The following AGBL4 variants were observed in gnomAD, a reference collection of about 807,000 sequenced individuals.
AGBL4 encodes the protein AGBL carboxypeptidase 4.
A neutral mutation model predicts 66.4 loss-of-function variants in AGBL4; 58 were observed. That is an observed-to-expected ratio of 0.87 (90% CI 0.71 to 1.09). The LOEUF (loss-of-function observed/expected upper bound fraction) is 1.09, where lower values mean the gene tolerates loss of function less well. AGBL4 is among the 50% of genes least tolerant of loss of function. The pLI, the probability that AGBL4 is intolerant of heterozygous loss-of-function variation, is 0.00. For missense variants in AGBL4, 579 were observed against 631.0 expected (o/e 0.92, Z 0.88); for synonymous variants, 234 against 222.9 (o/e 1.05, Z -0.44).
In AGBL4 at chr1:49,948,199, A is replaced by ACTAT. The variant is rs1557608838; in HGVS notation, c.34+75563_34+75564insATAG. Among the ~76,000 whole-genome samples, 394 of 96,512 alleles carry ACTAT rather than the reference A, an allele frequency of 4.1e-3. 4 individuals are homozygous for ACTAT. The highest frequency in any genetic ancestry group is 0.012 in the Middle Eastern group (1 of 84). 63.3% of individuals were successfully genotyped at this position (96,512 alleles called of 152,430 possible). A position where few individuals can be genotyped will look rare whatever the true frequency, so the allele number is the denominator to read the frequency against. On this transcript the variant is annotated intron_variant, in intron 1 of 13. Transcript: ENST00000371839. ...ATATAACTATATATAAATATATATA[A>ACTAT]ATATAAATATATAAATATATATAAA...
chr1:49,677,761 T>TAA (rs1427790402), intron 3 of AGBL4, among the ~76,000 whole-genome samples: 2 of 152,058 alleles, frequency 1.3e-5, no homozygotes, highest in Non-Finnish European at 2.9e-5. Flanking sequence ...GATGAGGTCA[T>TAA]AAAGGTGGGG....
chr1:49,525,057 A>T (rs1650551808), intron 3 of AGBL4, among the ~76,000 whole-genome samples: 1 of 152,170 alleles, frequency 6.6e-6, no homozygotes, highest in South Asian at 2.1e-4. Flanking sequence ...AATAATATGT[A>T]CCTTGCAAGG....
At chr1:49,858,683 T>C (rs1434368552) in intron 1 of AGBL4, among the ~76,000 whole-genome samples, 3 of 152,074 alleles carry the variant, frequency 2.0e-5, no homozygotes, top group Admixed American at 1.3e-4. Flanking sequence ...CCAAGACCAA[T>C]AATCCTAAAA....
At chr1:48,943,741 C>T (rs6665446) in intron 5 of AGBL4, among the ~76,000 whole-genome samples, 10,041 of 151,860 alleles carry the variant, frequency 0.066, 1,166 homozygotes, top group African/African-American at 0.23. Flanking sequence ...AATGGGCTAA[C>T]GGAGTCTGGG....
intron 6 of AGBL4, among the ~76,000 whole-genome samples, chr1:48,804,264 AG>A (rs1189297138): frequency 6.6e-6 from 1 of 152,202 alleles, no homozygotes; most frequent in Non-Finnish European, 1.5e-5. Flanking sequence ...CAATAGCCAA[AG>A]CATTATTTCT....
In AGBL4 at chr1:49,743,186, T is replaced by G. The variant is rs369544418; in HGVS notation, c.158-45749A>C. ...AGGGCTAACATCCGGAATCTACAATTAACTCAAACACATTTACAAGAAAAA... is the reference window on the plus strand; with the variant it reads ...AGGGCTAACATCCGGAATCTACAATGAACTCAAACACATTTACAAGAAAAA... On this transcript the variant is annotated intron_variant, in intron 2 of 13. Transcript: ENST00000371839. Among the ~76,000 whole-genome samples the G allele has an allele frequency of 3.5e-4, 53 of 151,942 alleles. 1 individual carries two copies. The South Asian group carries it at 9.8e-3, about 28-fold the overall frequency.
intron 5 of AGBL4, among the ~76,000 whole-genome samples, chr1:48,906,111 A>G (rs1652562446): frequency 6.6e-6 from 1 of 152,220 alleles, no homozygotes. Context: ...GTATTAACTT[A>G]AAATTTTAGA....
At chr1:49,532,044 A>G (rs965014453) in intron 3 of AGBL4, among the ~76,000 whole-genome samples, 4 of 152,082 alleles carry the variant, frequency 2.6e-5, no homozygotes, top group Non-Finnish European at 5.9e-5. Context: ...AGAATGGAAT[A>G]TGGTCTTTTG....
intron 3 of AGBL4, among the ~76,000 whole-genome samples, chr1:49,430,893 T>A (rs1047258124): frequency 3.9e-5 from 6 of 152,218 alleles, no homozygotes; most frequent in Non-Finnish European, 7.4e-5. Flanking sequence ...ATACAGTTGA[T>A]ACTCTTTTAT....
chr1:48,750,965 T>C lies in AGBL4; in HGVS notation c.635-87724A>G, dbSNP rs1651641685. Reference sequence around the variant, plus strand: ...TGGCCAGCCTCTGGGACCTGCTGAATCCTGGCATCCAAACAAACATCCATC... The same window carrying C: ...TGGCCAGCCTCTGGGACCTGCTGAACCCTGGCATCCAAACAAACATCCATC... On this transcript the variant is annotated intron_variant, in intron 6 of 13. Coordinates refer to ENST00000371839, the MANE Select transcript of AGBL4 (RefSeq NM_032785.4). 2.6e-5 allele frequency among the ~76,000 whole-genome samples: 4 copies of C among 152,312 alleles called. 1 individual carries two copies. In the South Asian group the frequency reaches 8.3e-4, roughly 32 times the overall value.
At chr1:49,018,434 C>A (rs114450523) in intron 5 of AGBL4, among the ~76,000 whole-genome samples, 1,852 of 152,286 alleles carry the variant, frequency 0.012, 37 homozygotes, top group African/African-American at 0.043. Context: ...ACCTCTTCTC[C>A]TAGAGCCTGA....
intron 6 of AGBL4, among the ~76,000 whole-genome samples, chr1:48,749,090 C>T (rs1872279): frequency 0.51 from 77,609 of 151,794 alleles, 24,402 homozygotes; most frequent in Non-Finnish European, 0.72. Context: ...AAAAGCAGGC[C>T]CAGGTCCCCA....
intron 9 of AGBL4, among the ~76,000 whole-genome samples, chr1:48,601,311 T>C (rs1002384561): frequency 6.6e-6 from 1 of 152,214 alleles, no homozygotes; most frequent in Non-Finnish European, 1.5e-5. Flanking sequence ...TAGAGGTAAA[T>C]GAAGTAACTG....
intron 3 of AGBL4, among the ~76,000 whole-genome samples, chr1:49,410,294 C>T (rs532238516): frequency 6.6e-6 from 1 of 152,290 alleles, no homozygotes; most frequent in South Asian, 2.1e-4. Context: ...TTTCTGCTCA[C>T]ACCTGAAGAC....
intron 1 of AGBL4, among the ~76,000 whole-genome samples, chr1:49,887,573 T>G (rs1391341283): frequency 6.6e-6 from 1 of 152,148 alleles, no homozygotes; most frequent in African/African-American, 2.4e-5. Context: ...TAATGGATCT[T>G]AAGCAGTGAG....
chr1:48,749,680 C>T (rs115949629), intron 6 of AGBL4, among the ~76,000 whole-genome samples: 31 of 152,214 alleles, frequency 2.0e-4, no homozygotes, highest in African/African-American at 6.5e-4. Context: ...ATGAGGGGTG[C>T]GGTGGAAGGG....
intron 4 of AGBL4, among the ~76,000 whole-genome samples, chr1:49,161,535 C>A (rs1646542155): frequency 6.6e-6 from 1 of 152,170 alleles, no homozygotes; most frequent in African/African-American, 2.4e-5. Flanking sequence ...ATTTAAACAC[C>A]TATTTATGAT....
chr1:49,371,814 ACT>A (rs1431945115), intron 3 of AGBL4, among the ~76,000 whole-genome samples: 2 of 115,106 alleles, frequency 1.7e-5, no homozygotes, highest in African/African-American at 3.4e-5. Context: ...GACTTTTCAA[ACT>A]CTGTGTGTGT....
chr1:48,661,859 C>G (rs564220064), intron 7 of AGBL4, among the ~76,000 whole-genome samples: 1 of 152,286 alleles, frequency 6.6e-6, no homozygotes, highest in Non-Finnish European at 1.5e-5. Context: ...TAGTAACTGA[C>G]AGATGGCGCA....
Sources: allele counts gnomAD v4.1 joint callset (sites outside exome capture counted in the v4.1 genomes callset), GRCh38; gene constraint gnomAD v4.1.1; transcripts MANE v1.5; gene names NCBI Gene and HGNC (gene_info 2026-07-23, HGNC 2026-07-21).